The following HOGA1 variants were observed in gnomAD, a reference collection of about 807,000 sequenced individuals.
The protein encoded by HOGA1 is 4-hydroxy-2-oxoglutarate aldolase, mitochondrial.
A neutral mutation model predicts 34.3 loss-of-function variants in HOGA1; 30 were observed. That is an observed-to-expected ratio of 0.87 (90% CI 0.65 to 1.19). HOGA1 has a LOEUF of 1.19. Ranked by LOEUF, HOGA1 falls within the 50% of genes most tolerant of loss-of-function variation. The probability of loss-of-function intolerance (pLI) is 0.00; values close to 1 mark genes in which losing one functional copy is unlikely to be tolerated. For missense variants in HOGA1, 417 were observed against 436.5 expected, an observed-to-expected ratio of 0.96 and a Z score of 0.40; for synonymous variants, 161 against 174.0, an observed-to-expected ratio of 0.93 and a Z score of 0.59.
chr10:97,588,276 C>T, intron 1 of HOGA1, among the ~76,000 whole-genome samples: 1 of 148,122 alleles, frequency 6.8e-6, no homozygotes, highest in Admixed American at 6.8e-5. Context: ...CGGCTTACTG[C>T]AAGCTCTGCC....
In HOGA1 at chr10:97,584,633, G is replaced by T; in HGVS notation, c.-71G>T. ...ACTAGAAACATTGATCATTAATAGGGGGTTAGAAAGAGTTCAAACTAAGTC... is the reference window on the plus strand; with the variant it reads ...ACTAGAAACATTGATCATTAATAGGTGGTTAGAAAGAGTTCAAACTAAGTC... On this transcript the variant is annotated 5_prime_UTR_variant, in exon 1 of 7. Transcript: ENST00000370646. 7.6e-7 allele frequency: 1 copy of T among 1,311,464 alleles called. No individual in the cohort carries two copies. The highest frequency in any genetic ancestry group is 1.1e-6 in the Non-Finnish European group (1 of 936,694). 81.2% of individuals were successfully genotyped at this position (1,311,464 alleles called of 1,614,324 possible). A position where few individuals can be genotyped will look rare whatever the true frequency, so the allele number is the denominator to read the frequency against.
At chr10:97,607,240 G>A (rs1198658062) in intron 6 of HOGA1, among the ~76,000 whole-genome samples, 1 of 152,170 alleles carries the variant, frequency 6.6e-6, no homozygotes, top group Admixed American at 6.5e-5. Context: ...CTGTGTGTCT[G>A]GCAGCAGGTG....
At position 97,603,955 on chromosome 10, in the gene HOGA1, G is replaced by T. The variant is rs1391676670; in HGVS notation, c.834+1965G>T. On this transcript the variant is annotated intron_variant, in intron 6 of 6. Coordinates refer to ENST00000370646, the MANE Select transcript of HOGA1 (RefSeq NM_138413.4). This position sits in a 1 kb window ranked among gnomAD's most constrained non-coding sequence, Gnocchi z 4.5. The stretch of plus-strand genomic sequence containing the variant: ...ACCCATGAGCCAGTTTTCCCCAATG[G>T]CAACATCTTACAAAACTGTAGAATA... Among the ~76,000 whole-genome samples, 1 of 152,116 alleles carries T rather than the reference G, an allele frequency of 6.6e-6. No homozygotes were observed. Among genetic ancestry groups the T allele is most frequent in the Non-Finnish European group, 1.5e-5 (1 of 68,034 alleles).
At chr10:97,600,528 T>A in intron 5 of HOGA1, 1 of 361,156 alleles carries the variant, frequency 2.8e-6, no homozygotes, top group Non-Finnish European at 5.3e-6. Context: ...AGTTCAGGAG[T>A]CCATTTTCCT....
intron 6 of HOGA1, among the ~76,000 whole-genome samples, chr10:97,604,741 G>A (rs986065894): frequency 3.9e-5 from 6 of 152,124 alleles, no homozygotes; most frequent in Non-Finnish European, 8.8e-5. Flanking sequence ...CAGCACTTTG[G>A]GAGGCCGAGG....
At chr10:97,599,642 C>A in intron 3 of HOGA1, 38 bp from the exon 4 acceptor site, 1 of 1,612,502 alleles carries the variant, frequency 6.2e-7, no homozygotes, top group Non-Finnish European at 8.5e-7. Flanking sequence ...CCTGGGGCGG[C>A]TGCCCTCTCC....
At chr10:97,593,579 T>C (rs2041045668) in intron 1 of HOGA1, among the ~76,000 whole-genome samples, 1 of 152,202 alleles carries the variant, frequency 6.6e-6, no homozygotes, top group Non-Finnish European at 1.5e-5. Flanking sequence ...TTATGAATTA[T>C]GTCATGCAAA....
At position 97,611,773 on chromosome 10, in the gene HOGA1, G is replaced by C. The variant is rs1291685206; in HGVS notation, c.*114G>C. The C allele has an allele frequency of 7.6e-7, 1 of 1,317,940 alleles. No homozygotes were observed. Among genetic ancestry groups the C allele is most frequent in the Non-Finnish European group, 1.0e-6 (1 of 952,902 alleles). 81.6% of individuals were successfully genotyped at this position (1,317,940 alleles called of 1,614,324 possible). On this transcript the variant is annotated 3_prime_UTR_variant, in exon 7 of 7. Transcript: ENST00000370646. ...GGTGGCAGGCAGCGGGGAGCCGATAGAGGCTCCTTTGCCTGCTGTGGTCCT... is the reference window on the plus strand; with the variant it reads ...GGTGGCAGGCAGCGGGGAGCCGATACAGGCTCCTTTGCCTGCTGTGGTCCT...
chr10:97,602,668 T>C, intron 6 of HOGA1: 7 of 766,326 alleles, frequency 9.1e-6, no homozygotes, highest in Non-Finnish European at 1.1e-5. Context: ...TCTTTCTTTC[T>C]CTTTCTCTCT....
intron 1 of HOGA1, among the ~76,000 whole-genome samples, chr10:97,587,595 C>A (rs186876873): frequency 2.0e-4 from 30 of 152,148 alleles, no homozygotes; most frequent in African/African-American, 6.5e-4. Context: ...GAAACCTCCG[C>A]TTCCTGGGTT....
chr10:97,594,060 C>T (rs1489914785), intron 1 of HOGA1, among the ~76,000 whole-genome samples: 2 of 151,306 alleles, frequency 1.3e-5, no homozygotes, highest in Admixed American at 1.3e-4. Flanking sequence ...GTAGAGATAG[C>T]GTTTCACCAC....
chr10:97,605,325 C>A lies in HOGA1; in HGVS notation c.834+3335C>A, dbSNP rs191247171. Among the ~76,000 whole-genome samples, 1,383 of 151,912 alleles carry A rather than the reference C, an allele frequency of 9.1e-3. 24 individuals carry two copies. The highest frequency in any genetic ancestry group is 0.031 in the African/African-American group (1,301 of 41,410). Reference sequence around the variant, plus strand: ...GGGAGGCTGAGGCAGAAGGGAAGATCCCTTGAATCTGGGAGGTTGAGGCTG... The same window carrying A: ...GGGAGGCTGAGGCAGAAGGGAAGATACCTTGAATCTGGGAGGTTGAGGCTG... On this transcript the variant is annotated intron_variant, in intron 6 of 6. Transcript: ENST00000370646.
At chr10:97,599,034 T>C in intron 2 of HOGA1, 55 bp from the exon 3 acceptor site, 1 of 1,608,896 alleles carries the variant, frequency 6.2e-7, no homozygotes, top group Non-Finnish European at 8.5e-7. Flanking sequence ...CTTGGCCCAG[T>C]GTCCTGGTCC....
chr10:97,608,013 C>T (rs957794631), intron 6 of HOGA1, among the ~76,000 whole-genome samples: 2 of 152,264 alleles, frequency 1.3e-5, no homozygotes, highest in South Asian at 2.1e-4. Context: ...AAAGAATAAC[C>T]GCTAAAAAGA....
At chr10:97,608,331 T>C (rs1333787416) in intron 6 of HOGA1, among the ~76,000 whole-genome samples, 1 of 151,852 alleles carries the variant, frequency 6.6e-6, no homozygotes, top group Non-Finnish European at 1.5e-5. Context: ...ATTTAAAAAA[T>C]ACAATAAATA....
At position 97,601,758 on chromosome 10, in the gene HOGA1, G is replaced by C. The variant is rs11189291; in HGVS notation, c.701-99G>C. 11,231 of 1,407,406 alleles carry C rather than the reference G, an allele frequency of 8.0e-3. 64 individuals are homozygous for C. The highest frequency in any genetic ancestry group is 0.01 in the Non-Finnish European group (10,403 of 997,918). 87.2% of individuals were successfully genotyped at this position (1,407,406 alleles called of 1,614,324 possible). A position where few individuals can be genotyped will look rare whatever the true frequency, so the allele number is the denominator to read the frequency against. Reference sequence around the variant, plus strand: ...AGCCAGCCAAGTGACATAGAAATCTGTATCTAATGTCCCCAGGCTGAAGAG... The same window carrying C: ...AGCCAGCCAAGTGACATAGAAATCTCTATCTAATGTCCCCAGGCTGAAGAG... On this transcript the variant is annotated intron_variant, in intron 5 of 6. Coordinates refer to ENST00000370646, the MANE Select transcript of HOGA1 (RefSeq NM_138413.4).
chr10:97,590,465 A>G, intron 1 of HOGA1: 1 of 1,613,722 alleles, frequency 6.2e-7, no homozygotes, highest in Non-Finnish European at 8.5e-7. Context: ...GGAAAACACC[A>G]TAGCTGGTGC....
intron 1 of HOGA1, among the ~76,000 whole-genome samples, chr10:97,592,063 A>G (rs1044241261): frequency 6.6e-6 from 1 of 151,742 alleles, no homozygotes; most frequent in East Asian, 1.9e-4. Context: ...GCTGGATTAC[A>G]GTGGTGATAT....
intron 1 of HOGA1, chr10:97,590,340 G>A (rs769717721): frequency 5.0e-6 from 8 of 1,613,914 alleles, no homozygotes; most frequent in East Asian, 2.2e-5. Flanking sequence ...ATGCTGCAGC[G>A]GGCCATAGCT....
Sources: gnomAD v4.1 joint callset for allele counts (sites outside exome capture counted in the v4.1 genomes callset) on GRCh38, gnomAD v4.1.1 for gene constraint, Gnocchi (gnomAD v3.1) non-coding constraint, MANE v1.5 for transcripts, NCBI Gene and HGNC (gene_info 2026-07-23, HGNC 2026-07-21) for gene names.